GSK3B: variants seen among roughly 807,000 people sequenced by gnomAD.
GSK3B encodes the protein glycogen synthase kinase 3 beta.
GSK3B carries 15 observed loss-of-function variants against 56.4 expected under a neutral mutation model. The ratio of observed to expected loss-of-function variants is 0.27; its 90% CI spans 0.18 to 0.41. The LOEUF (loss-of-function observed/expected upper bound fraction) is 0.41, where lower values mean the gene tolerates loss of function less well. Ranked by LOEUF, GSK3B falls within the 10% of genes least tolerant of loss-of-function variation. GSK3B has a pLI of 1.00. For missense variants in GSK3B, 300 were observed against 513.4 expected (o/e 0.58, Z 4.02); for synonymous variants, 181 against 188.9 (o/e 0.96, Z 0.34).
At chr3:119,898,462 G>C in intron 7 of GSK3B, among the ~76,000 whole-genome samples, 1 of 152,246 alleles carries the variant, frequency 6.6e-6, no homozygotes, top group Middle Eastern at 3.4e-3. Context: ...TTTCACTACT[G>C]TAAGATTTAG....
chr3:119,964,653 ATAAG>A (rs1198056112), intron 2 of GSK3B, among the ~76,000 whole-genome samples: 2 of 152,200 alleles, frequency 1.3e-5, no homozygotes, highest in African/African-American at 4.8e-5. Context: ...GTTATACAAG[ATAAG>A]TAAGTTACAG....
chr3:119,830,431 T>C lies in GSK3B; in HGVS notation c.1196-3576A>G, dbSNP rs1234409273. Among the ~76,000 whole-genome samples the C allele has an allele frequency of 2.0e-5, 3 of 152,222 alleles. No homozygotes were observed. In the East Asian group the frequency reaches 5.8e-4, roughly 29 times the overall value. On this transcript the variant is annotated intron_variant, in intron 10 of 10. Transcript: ENST00000264235. Reference sequence around the variant, plus strand: ...ATTAATTTAAAATTCCGATAAATTGTCATTGGATTTAGTTTAGTGTAATTT... The same window carrying C: ...ATTAATTTAAAATTCCGATAAATTGCCATTGGATTTAGTTTAGTGTAATTT...
At chr3:119,846,307 T>C (rs2055854180) in intron 9 of GSK3B, among the ~76,000 whole-genome samples, 1 of 152,050 alleles carries the variant, frequency 6.6e-6, no homozygotes, top group Non-Finnish European at 1.5e-5. Flanking sequence ...ATGGTCAAAT[T>C]AAACTAAAGA....
chr3:119,930,123 A>ACACACACG (rs1263643512), intron 3 of GSK3B, among the ~76,000 whole-genome samples: 41 of 137,098 alleles, frequency 3.0e-4, no homozygotes, highest in African/African-American at 9.3e-4. Context: ...ACACACACAC[A>ACACACACG]CGTGCGCATG....
At chr3:120,080,334 A>AAGAAGGAAGAAGGT (rs1310880866) in intron 1 of GSK3B, among the ~76,000 whole-genome samples, 1 of 143,432 alleles carries the variant, frequency 7.0e-6, no homozygotes, top group South Asian at 2.1e-4. Context: ...AAGACGAAGG[A>AAGAAGGAAGAAGGT]AGAAGGAAGA....
At chr3:120,069,613 CA>C (rs2058309867) in intron 1 of GSK3B, among the ~76,000 whole-genome samples, 1 of 149,122 alleles carries the variant, frequency 6.7e-6, no homozygotes, top group Non-Finnish European at 1.5e-5. Context: ...ACCTAACGGT[CA>C]ATACAAACCA....
chr3:119,910,496 T>A (rs1368388663), intron 6 of GSK3B, among the ~76,000 whole-genome samples: 1 of 152,218 alleles, frequency 6.6e-6, no homozygotes, highest in Admixed American at 6.5e-5. Flanking sequence ...ATGCTAATGA[T>A]CATCTAAGCC....
intron 8 of GSK3B, among the ~76,000 whole-genome samples, chr3:119,874,315 TAC>T (rs2056282403): frequency 6.6e-6 from 1 of 152,068 alleles, no homozygotes; most frequent in Admixed American, 6.6e-5. Flanking sequence ...TCTCTATACA[TAC>T]AGTGATAAAA....
intron 1 of GSK3B, among the ~76,000 whole-genome samples, chr3:120,073,411 G>A (rs2058343951): frequency 6.6e-6 from 1 of 151,856 alleles, no homozygotes; most frequent in Admixed American, 6.6e-5. Flanking sequence ...AAGGATAGGA[G>A]CTCAGGCTCA....
intron 7 of GSK3B, among the ~76,000 whole-genome samples, chr3:119,884,195 C>T (rs770704298): frequency 1.3e-5 from 2 of 152,034 alleles, no homozygotes; most frequent in Non-Finnish European, 2.9e-5. Flanking sequence ...CAAAGGAAGG[C>T]GAACACTTAA....
At position 119,912,812 on chromosome 3, in the gene GSK3B, TA is replaced by T; in HGVS notation, c.609-3del. ...TCTCCTCGGACCAGCTGCTTTGCAC[TA>T]ACAGAAAAAAAATAAAAATAAAAAG... On this transcript the variant is annotated splice_polypyrimidine_tract_variant and splice_region_variant and intron_variant, in intron 5 of 10. Coordinates refer to ENST00000264235, the MANE Select transcript of GSK3B (RefSeq NM_001146156.2). The T allele has an allele frequency of 6.7e-7, 1 of 1,496,660 alleles. No individual in the cohort carries two copies. Among genetic ancestry groups the T allele is most frequent in the Non-Finnish European group, 9.2e-7 (1 of 1,084,292 alleles). 92.7% of individuals were successfully genotyped at this position (1,496,660 alleles called of 1,614,324 possible).
intron 1 of GSK3B, among the ~76,000 whole-genome samples, chr3:120,070,233 C>T (rs1022486170): frequency 2.6e-5 from 2 of 77,634 alleles, no homozygotes; most frequent in Non-Finnish European, 4.5e-5. Flanking sequence ...CAAAACAAAA[C>T]AAAAAACAAA....
intron 2 of GSK3B, among the ~76,000 whole-genome samples, chr3:119,978,346 G>A (rs990842936): frequency 9.9e-5 from 15 of 152,140 alleles, no homozygotes; most frequent in Non-Finnish European, 1.8e-4. Flanking sequence ...CCAAGCTTGT[G>A]ATAAGCCCCC....
intron 2 of GSK3B, among the ~76,000 whole-genome samples, chr3:119,967,399 G>A (rs2057327367): frequency 6.6e-6 from 1 of 152,074 alleles, no homozygotes; most frequent in Non-Finnish European, 1.5e-5. Context: ...TTAAAAAAAA[G>A]ATATTGATAA....
intron 3 of GSK3B, among the ~76,000 whole-genome samples, chr3:119,938,721 A>T (rs1194747544): frequency 6.6e-6 from 1 of 152,160 alleles, no homozygotes; most frequent in East Asian, 1.9e-4. Flanking sequence ...TAAAATTAAG[A>T]AAATAATTCC....
chr3:119,825,481 A>C lies in GSK3B; in HGVS notation c.*1307T>G, dbSNP rs975602388. 1 of 228,476 alleles carries C rather than the reference A, an allele frequency of 4.4e-6. No homozygotes were observed. Among genetic ancestry groups the C allele is most frequent in the South Asian group, 1.8e-4 (1 of 5,488 alleles). The allele number at this position is 228,476 out of a possible 1,614,324, so 14.2% of individuals were successfully genotyped here. A position where few individuals can be genotyped will look rare whatever the true frequency, so the allele number is the denominator to read the frequency against. ...GTCAATTTTGATACTGTAGACAAAA[A>C]AAAAGGCAGTATTGAATATATGTAT... On this transcript the variant is annotated 3_prime_UTR_variant, in exon 11 of 11. Coordinates refer to ENST00000264235, the MANE Select transcript of GSK3B (RefSeq NM_001146156.2).
At chr3:119,895,462 C>T (rs2056552156) in intron 7 of GSK3B, among the ~76,000 whole-genome samples, 1 of 152,116 alleles carries the variant, frequency 6.6e-6, no homozygotes, top group South Asian at 2.1e-4. Flanking sequence ...CTGGATCATA[C>T]TGTAATTTTA....
At chr3:120,088,788 T>C (rs974222977) in intron 1 of GSK3B, among the ~76,000 whole-genome samples, 2 of 152,244 alleles carry the variant, frequency 1.3e-5, no homozygotes, top group African/African-American at 4.8e-5. Context: ...ACACAAGCGT[T>C]CTGCCCCTCC....
intron 1 of GSK3B, among the ~76,000 whole-genome samples, chr3:120,016,443 A>C (rs1260326492): frequency 5.9e-5 from 9 of 152,210 alleles, no homozygotes; most frequent in Admixed American, 5.9e-4. Context: ...TGCTCAAAGT[A>C]ATCCCTTCAA....
Sources: gnomAD v4.1 joint callset for allele counts (sites outside exome capture counted in the v4.1 genomes callset) on GRCh38, gnomAD v4.1.1 for gene constraint, MANE v1.5 for transcripts, NCBI Gene and HGNC (gene_info 2026-07-23, HGNC 2026-07-21) for gene names.